Variants in CAMKMT observed in about 807,000 individuals in gnomAD.
The protein encoded by CAMKMT is CaM KMT.
CAMKMT carries 53 observed loss-of-function variants against 48.0 expected under a neutral mutation model. The ratio of observed to expected loss-of-function variants is 1.10; its 90% CI spans 0.89 to 1.39. The LOEUF (loss-of-function observed/expected upper bound fraction) is 1.39, where lower values mean the gene tolerates loss of function less well. CAMKMT is among the 40% of genes most tolerant of loss of function. The pLI is 0.00. For missense variants in CAMKMT, 428 were observed against 402.7 expected (o/e 1.06, Z -0.54); for synonymous variants, 165 against 152.3 (o/e 1.08, Z -0.61).
chr2:44,472,799 A>T (rs747162641), intron 3 of CAMKMT, among the ~76,000 whole-genome samples: 4 of 152,234 alleles, frequency 2.6e-5, no homozygotes, highest in Non-Finnish European at 5.9e-5. Context: ...TTACATGTTG[A>T]TGAGATTAAA....
intron 3 of CAMKMT, among the ~76,000 whole-genome samples, chr2:44,568,579 T>C (rs1418777626): frequency 6.6e-6 from 1 of 151,028 alleles, no homozygotes; most frequent in South Asian, 2.1e-4. Context: ...AGCAAGGAGA[T>C]TGGTTTTAGA....
At chr2:44,538,403 G>C (rs928746667) in intron 3 of CAMKMT, among the ~76,000 whole-genome samples, 2 of 150,982 alleles carry the variant, frequency 1.3e-5, no homozygotes, top group African/African-American at 4.9e-5. Flanking sequence ...AAAGAAAAAA[G>C]AAAATGTAGT....
chr2:44,489,316 G>C (rs1242825138), intron 3 of CAMKMT, among the ~76,000 whole-genome samples: 1 of 146,296 alleles, frequency 6.8e-6, no homozygotes, highest in Non-Finnish European at 1.5e-5. Flanking sequence ...CGCAATCTTG[G>C]CTCACTGCAA....
At chr2:44,610,134 A>G (rs1671517978) in intron 3 of CAMKMT, among the ~76,000 whole-genome samples, 1 of 152,178 alleles carries the variant, frequency 6.6e-6, no homozygotes, top group Non-Finnish European at 1.5e-5. Flanking sequence ...GAATATAGAA[A>G]TGTGTTCATT....
chr2:44,772,107 T>C lies in CAMKMT; in HGVS notation c.966T>C (p.His322=). 1.9e-6 allele frequency: 3 copies of C among 1,612,854 alleles called. No homozygotes were observed. Among genetic ancestry groups the C allele is most frequent in the Non-Finnish European group, 2.5e-6 (3 of 1,179,220 alleles). ...HYPLLLILTK[H]G is the part of the protein sequence containing the mutation. ...CGCTTCTGCTTATTTTGACCAAACA[T>C]GGATAGAAGATTAAGCTTCTCAAAG... Residue 322 remains histidine (H), a synonymous_variant, in exon 11 of 11, where the codon CAT becomes CAC. Coordinates refer to ENST00000378494, the MANE Select transcript of CAMKMT (RefSeq NM_024766.5).
intron 1 of CAMKMT, among the ~76,000 whole-genome samples, chr2:44,366,327 G>T (rs994922026): frequency 6.6e-6 from 1 of 152,222 alleles, no homozygotes; most frequent in Non-Finnish European, 1.5e-5. Flanking sequence ...TCTTGATCCA[G>T]TCCTAGGTCT....
At position 44,721,370 on chromosome 2, in the gene CAMKMT, C is replaced by A. The variant is rs565702522; in HGVS notation, c.623+6017C>A. The stretch of plus-strand genomic sequence containing the variant: ...TCTTTTCAGCACCTATGGAGATGTT[C>A]AAATTGCTTTCCCTATTTTATTTGT... On this transcript the variant is annotated intron_variant, in intron 7 of 10. Coordinates refer to ENST00000378494, the MANE Select transcript of CAMKMT (RefSeq NM_024766.5). Among the ~76,000 whole-genome samples, 7 of 152,216 alleles carry A rather than the reference C, an allele frequency of 4.6e-5. No homozygotes were observed. The South Asian group carries it at 1.2e-3, about 27-fold the overall frequency.
chr2:44,460,657 CA>C (rs1667798872), intron 3 of CAMKMT, among the ~76,000 whole-genome samples: 1 of 150,326 alleles, frequency 6.7e-6, no homozygotes, highest in Admixed American at 6.6e-5. Flanking sequence ...TTTTTCTTTA[CA>C]GGGGAGGTAA....
chr2:44,683,901 A>C (rs1194502055), intron 3 of CAMKMT, among the ~76,000 whole-genome samples: 1 of 152,108 alleles, frequency 6.6e-6, no homozygotes, highest in East Asian at 1.9e-4. Flanking sequence ...CCTGATAAGT[A>C]AACACGATTT....
chr2:44,568,554 A>G (rs1668732097), intron 3 of CAMKMT, among the ~76,000 whole-genome samples: 1 of 152,176 alleles, frequency 6.6e-6, no homozygotes, highest in South Asian at 2.1e-4. Context: ...GATATGTCAC[A>G]TAAGCCTGAC....
chr2:44,438,503 T>A (rs1666424528), intron 3 of CAMKMT, among the ~76,000 whole-genome samples: 1 of 152,192 alleles, frequency 6.6e-6, no homozygotes, highest in Non-Finnish European at 1.5e-5. Flanking sequence ...CCTCAACAAC[T>A]ATAAATTTTT....
At chr2:44,767,829 C>T (rs574690263) in intron 10 of CAMKMT, among the ~76,000 whole-genome samples, 1 of 152,316 alleles carries the variant, frequency 6.6e-6, no homozygotes, top group African/African-American at 2.4e-5. Context: ...GTGGCTTTCT[C>T]TCCAGGGTCG....
At chr2:44,647,929 A>C (rs1397816644) in intron 3 of CAMKMT, among the ~76,000 whole-genome samples, 1 of 150,508 alleles carries the variant, frequency 6.6e-6, no homozygotes, top group Non-Finnish European at 1.5e-5. Context: ...AAAAAAAAAA[A>C]AAGAAACTAT....
chr2:44,386,674 C>T (rs1230602634), intron 2 of CAMKMT, among the ~76,000 whole-genome samples: 1 of 152,094 alleles, frequency 6.6e-6, no homozygotes, highest in South Asian at 2.1e-4. Context: ...TTCCTCTTAG[C>T]ATCACCTTTG....
At chr2:44,716,017 A>T (rs1382062987) in intron 7 of CAMKMT, among the ~76,000 whole-genome samples, 1 of 152,190 alleles carries the variant, frequency 6.6e-6, no homozygotes, top group Non-Finnish European at 1.5e-5. Context: ...GTGTTCTGTG[A>T]TGCTACATTT....
intron 3 of CAMKMT, among the ~76,000 whole-genome samples, chr2:44,507,794 C>G (rs145651717): frequency 6.6e-6 from 1 of 152,270 alleles, no homozygotes; most frequent in Non-Finnish European, 1.5e-5. Context: ...ATTAAATCAA[C>G]TTACTGCTTC....
At chr2:44,751,708 T>C (rs955568387) in intron 8 of CAMKMT, among the ~76,000 whole-genome samples, 9 of 152,210 alleles carry the variant, frequency 5.9e-5, no homozygotes, top group Admixed American at 2.0e-4. Flanking sequence ...CTTTACTGCT[T>C]GTATTAGTCC....
intron 7 of CAMKMT, among the ~76,000 whole-genome samples, chr2:44,732,104 A>T (rs1230656292): frequency 1.3e-5 from 2 of 152,066 alleles, no homozygotes; most frequent in Non-Finnish European, 2.9e-5. Flanking sequence ...GGTACATACC[A>T]CCACAACTGG....
At chr2:44,389,318 G>T (rs1273680437) in intron 2 of CAMKMT, among the ~76,000 whole-genome samples, 1 of 152,102 alleles carries the variant, frequency 6.6e-6, no homozygotes, top group African/African-American at 2.4e-5. Context: ...GCTAAATATA[G>T]TCACCTTTCG....
Sources: allele counts gnomAD v4.1 joint callset (sites outside exome capture counted in the v4.1 genomes callset), GRCh38; gene constraint gnomAD v4.1.1; transcripts MANE v1.5; gene names NCBI Gene and HGNC (gene_info 2026-07-23, HGNC 2026-07-21).